Variants in EIPR1 observed in about 807,000 individuals in gnomAD.
The protein encoded by EIPR1 is EARP complex and GARP complex interacting protein 1, also known as EARP and GARP complex-interacting protein 1.
EIPR1 carries 25 observed loss-of-function variants against 48.1 expected under a neutral mutation model. The ratio of observed to expected loss-of-function variants is 0.52; its 90% CI spans 0.38 to 0.73. EIPR1 has a LOEUF of 0.73. EIPR1 is among the 30% of genes least tolerant of loss of function. The pLI, the probability that EIPR1 is intolerant of heterozygous loss-of-function variation, is 0.00. For synonymous variants in EIPR1, 204 were observed against 201.9 expected (o/e 1.01, Z -0.09); for missense variants, 415 against 506.2 (o/e 0.82, Z 1.73).
intron 3 of EIPR1, among the ~76,000 whole-genome samples, chr2:3,337,201 C>T (rs184813019): frequency 5.9e-5 from 9 of 152,166 alleles, no homozygotes; most frequent in East Asian, 5.8e-4. Context: ...AATATTAGAT[C>T]GGGATGTCCT....
At position 3,192,289 on chromosome 2, in the gene EIPR1, G is replaced by A. The variant is rs533710868; in HGVS notation, c.989+125C>T. The stretch of plus-strand genomic sequence containing the variant: ...CTGTGAGTCCCCACAGCTGCAGTGG[G>A]TAAGGAGAGTGTCCCCCAAATGCAC... On this transcript the variant is annotated intron_variant, in intron 8 of 8. Transcript: ENST00000382125. 7.2e-5 allele frequency: 86 copies of A among 1,187,306 alleles called. No individual in the cohort carries two copies. The South Asian group carries it at 1.5e-3, about 21-fold the overall frequency. 73.5% of individuals were successfully genotyped at this position (1,187,306 alleles called of 1,614,324 possible).
At chr2:3,308,506 C>T (rs574271845) in intron 3 of EIPR1, among the ~76,000 whole-genome samples, 1 of 151,440 alleles carries the variant, frequency 6.6e-6, no homozygotes, top group African/African-American at 2.4e-5. Context: ...AGAAAATAGA[C>T]GGAAAAAAAA....
intron 3 of EIPR1, among the ~76,000 whole-genome samples, chr2:3,294,198 G>C (rs1668457690): frequency 6.6e-6 from 1 of 152,076 alleles, no homozygotes; most frequent in African/African-American, 2.4e-5. Context: ...CTTTCAACCA[G>C]CTTAGCTGAC....
chr2:3,363,684 C>G (rs561675705), intron 1 of EIPR1, among the ~76,000 whole-genome samples: 61 of 149,648 alleles, frequency 4.1e-4, no homozygotes, highest in Non-Finnish European at 7.4e-4. Context: ...GACCGTGCCT[C>G]AAAAACATAA....
rs758411640 is a variant in EIPR1 at position 3,192,471 on chromosome 2, C to T, written c.932G>A (p.Gly311Asp). The T allele has an allele frequency of 2.5e-6, 4 of 1,612,952 alleles. No homozygotes were observed. The highest frequency in any genetic ancestry group is 2.2e-5 in the South Asian group (2 of 90,912). ...GATGTCATCGTCGTCTACCAAGTGGCCGAAGGGCTCCGACGAGATGGACAC... is the reference window on the plus strand; with the variant it reads ...GATGTCATCGTCGTCTACCAAGTGGTCGAAGGGCTCCGACGAGATGGACAC... ...NMVSISSEPF[G>D]HLVDDDDISD... Residue 311 changes from glycine to aspartate, a missense_variant, in exon 8 of 9, where the codon GGC (glycine) becomes GAC (aspartate). Gly to Asp is a moderately conservative substitution (Grantham distance 94, BLOSUM62 -1). Coordinates refer to ENST00000382125, the MANE Select transcript of EIPR1 (RefSeq NM_003310.5).
chr2:3,224,799 C>T (rs1033188371), intron 4 of EIPR1, among the ~76,000 whole-genome samples: 2 of 152,206 alleles, frequency 1.3e-5, no homozygotes, highest in South Asian at 2.1e-4. Context: ...GCAATGCCAC[C>T]GGCAATGCCA....
intron 3 of EIPR1, among the ~76,000 whole-genome samples, chr2:3,259,085 C>T (rs1462984170): frequency 2.6e-5 from 4 of 152,162 alleles, no homozygotes; most frequent in African/African-American, 9.7e-5. Flanking sequence ...CCCACTAGCA[C>T]ACACTAACCC....
At chr2:3,345,823 G>C (rs142150111) in intron 2 of EIPR1, among the ~76,000 whole-genome samples, 7 of 152,082 alleles carry the variant, frequency 4.6e-5, no homozygotes, top group Middle Eastern at 3.4e-3. Flanking sequence ...GGGGCACCAC[G>C]CTTATCTTTC....
chr2:3,290,117 G>A lies in EIPR1; in HGVS notation c.260-32662C>T, dbSNP rs1292235124. Among the ~76,000 whole-genome samples the A allele has an allele frequency of 2.0e-5, 3 of 152,224 alleles. No individual in the cohort carries two copies. In the South Asian group the frequency reaches 6.2e-4, roughly 32 times the overall value. On this transcript the variant is annotated intron_variant, in intron 3 of 8. Coordinates refer to ENST00000382125, the MANE Select transcript of EIPR1 (RefSeq NM_003310.5). ...GCATTGTCTGTCCCCCATCAAGCCTGCAGGTTACAAGGGCAAGGTGTGTAG... is the reference window on the plus strand; with the variant it reads ...GCATTGTCTGTCCCCCATCAAGCCTACAGGTTACAAGGGCAAGGTGTGTAG...
chr2:3,216,274 G>A (rs1382802087), intron 4 of EIPR1, among the ~76,000 whole-genome samples: 4 of 152,064 alleles, frequency 2.6e-5, no homozygotes, highest in Non-Finnish European at 4.4e-5. Flanking sequence ...AAATTTCCAT[G>A]GATTCATAAG....
chr2:3,355,341 T>C (rs1572480669), intron 1 of EIPR1, among the ~76,000 whole-genome samples: 1 of 152,062 alleles, frequency 6.6e-6, no homozygotes, highest in African/African-American at 2.4e-5. Flanking sequence ...TGAAGGCAAA[T>C]GAGAATCAGA....
At chr2:3,307,575 C>G (rs1009551337) in intron 3 of EIPR1, among the ~76,000 whole-genome samples, 3 of 152,232 alleles carry the variant, frequency 2.0e-5, no homozygotes, top group Non-Finnish European at 4.4e-5. Context: ...ACTACCTGCG[C>G]ACAGCCTCAG....
At chr2:3,307,030 C>T (rs1343622351) in intron 3 of EIPR1, among the ~76,000 whole-genome samples, 1 of 151,536 alleles carries the variant, frequency 6.6e-6, no homozygotes, top group Admixed American at 6.6e-5. Context: ...TGGCGTGATC[C>T]GGGCTCACTG....
At chr2:3,274,198 A>G in intron 3 of EIPR1, 1 of 1,381,152 alleles carries the variant, frequency 7.2e-7, no homozygotes, top group East Asian at 2.6e-5. Flanking sequence ...GAAAAACAGA[A>G]AACAGCAGGC....
chr2:3,278,898 T>G (rs1182283256), intron 3 of EIPR1, among the ~76,000 whole-genome samples: 1 of 152,104 alleles, frequency 6.6e-6, no homozygotes, highest in African/African-American at 2.4e-5. Context: ...TAGCCTCACC[T>G]CCAGCCAACA....
chr2:3,264,518 G>C (rs1667428809), intron 3 of EIPR1, among the ~76,000 whole-genome samples: 1 of 152,228 alleles, frequency 6.6e-6, no homozygotes, highest in African/African-American at 2.4e-5. Flanking sequence ...TGCTAGGGAA[G>C]TGTCAAAGGC....
At chr2:3,252,247 G>T (rs1237781358) in intron 4 of EIPR1, among the ~76,000 whole-genome samples, 3 of 152,204 alleles carry the variant, frequency 2.0e-5, no homozygotes. Context: ...CCACACGTGA[G>T]TGAGAACAGA....
chr2:3,253,260 T>TTG, intron 4 of EIPR1, among the ~76,000 whole-genome samples: 1 of 152,230 alleles, frequency 6.6e-6, no homozygotes, highest in Non-Finnish European at 1.5e-5. Flanking sequence ...TGCTTCGAGT[T>TTG]GTCCCCCCTT....
intron 4 of EIPR1, among the ~76,000 whole-genome samples, chr2:3,220,239 T>C (rs967143835): frequency 1.3e-5 from 2 of 152,034 alleles, no homozygotes; most frequent in African/African-American, 2.4e-5. Context: ...CACACAATGG[T>C]CATAGAACAT....
Sources: gnomAD v4.1 joint callset for allele counts (sites outside exome capture counted in the v4.1 genomes callset) on GRCh38, gnomAD v4.1.1 for gene constraint, MANE v1.5 for transcripts, NCBI Gene and HGNC (gene_info 2026-07-23, HGNC 2026-07-21) for gene names.